DENND4A: variants seen among roughly 807,000 people sequenced by gnomAD.
DENND4A encodes the protein C-myc promoter-binding protein.
A neutral mutation model predicts 199.3 loss-of-function variants in DENND4A; 70 were observed. The observed-to-expected ratio is 0.35, with a 90% CI of 0.29 to 0.43. The LOEUF is 0.43. DENND4A is among the 20% of genes least tolerant of loss of function. The probability of loss-of-function intolerance (pLI) is 1.00; values close to 1 mark genes in which losing one functional copy is unlikely to be tolerated. For synonymous variants in DENND4A, 686 were observed against 766.9 expected (o/e 0.89, Z 1.74); for missense variants, 1,723 against 2,255.8 (o/e 0.76, Z 4.78).
chr15:65,740,291 A>G (rs2076223109), intron 5 of DENND4A, among the ~76,000 whole-genome samples: 1 of 151,666 alleles, frequency 6.6e-6, no homozygotes, highest in Non-Finnish European at 1.5e-5. Flanking sequence ...AAAAAAAAAA[A>G]AAGAAAGAAA....
chr15:65,683,630 T>C (rs1407134040), intron 23 of DENND4A, among the ~76,000 whole-genome samples: 1 of 152,244 alleles, frequency 6.6e-6, no homozygotes, highest in Non-Finnish European at 1.5e-5. Flanking sequence ...TTCAAATTAT[T>C]TGAAAGTGTG....
intron 14 of DENND4A, among the ~76,000 whole-genome samples, chr15:65,706,530 C>T (rs898489665): frequency 1.3e-5 from 2 of 151,368 alleles, no homozygotes; most frequent in Admixed American, 6.6e-5. Flanking sequence ...GACAGTCTTG[C>T]TCTATCGCCA....
chr15:65,690,742 A>C lies in DENND4A; in HGVS notation c.3852T>G (p.Ser1284Arg), dbSNP rs760625997. ...RACDDKLNKKSPPLVKACRRS... is the reference protein window; with the variant it reads ...RACDDKLNKKRPPLVKACRRS... Reference sequence around the variant, plus strand: ...TTCTGCATGCCTTGACCAATGGTGGACTTTTCTTATTTAATTTATCATCAC... The same window carrying C: ...TTCTGCATGCCTTGACCAATGGTGGCCTTTTCTTATTTAATTTATCATCAC... The change falls in exon 23 of 33, where the codon AGT (serine) becomes AGG (arginine). Residue 1284 changes from serine (S) to arginine (R), a missense_variant. Ser to Arg is a moderately radical substitution (Grantham distance 110, BLOSUM62 -1). Around this residue, in one of 6 missense-constraint regions of DENND4A, gnomAD observed 650 missense variants for 738.1 expected, o/e 0.88. Transcript: ENST00000443035. 1 of 1,613,514 alleles carries C rather than the reference A, an allele frequency of 6.2e-7. No homozygotes were observed. Among genetic ancestry groups the C allele is most frequent in the South Asian group, 1.1e-5 (1 of 91,076 alleles).
intron 1 of DENND4A, among the ~76,000 whole-genome samples, chr15:65,766,080 C>T (rs907633210): frequency 2.6e-5 from 4 of 152,074 alleles, no homozygotes; most frequent in Middle Eastern, 3.2e-3. Context: ...GAAACCCTGT[C>T]TCTACTAAAA....
chr15:65,659,459 C>T lies in DENND4A; in HGVS notation c.*2392G>A, dbSNP rs2414883. The T allele has an allele frequency of 1.3e-5, 2 of 150,244 alleles. No homozygotes were observed. The highest frequency in any genetic ancestry group is 2.1e-4 in the South Asian group (1 of 4,758). 9.3% of individuals were successfully genotyped at this position (150,244 alleles called of 1,614,324 possible). ...AAGTGATCCTCCTGCTTCAGCCTCC[C>T]GAGTAGCTGGGATTACCAAGCATGA... is the stretch of plus-strand genomic sequence containing the variant. On this transcript the variant is annotated 3_prime_UTR_variant, in exon 33 of 33. Coordinates refer to ENST00000443035, the MANE Select transcript of DENND4A (RefSeq NM_001320835.1).
In DENND4A at chr15:65,717,920, C is replaced by T; in HGVS notation, c.1665G>A (p.Leu555=). The part of the protein sequence containing the change: ...NDYDFNSGKR[L]HMIDLEIQEA... ...CTTGGATTTCCAAATCTATCATGTG[C>T]AACCTCTTTCCAGAATTAAAATCAT... Residue 555 remains leucine (L), a synonymous_variant, in exon 13 of 33, where the codon TTG becomes TTA. Transcript: ENST00000443035. 6.2e-7 allele frequency: 1 copy of T among 1,609,512 alleles called. No individual in the cohort carries two copies. The highest frequency in any genetic ancestry group is 8.5e-7 in the Non-Finnish European group (1 of 1,177,648).
intron 23 of DENND4A, among the ~76,000 whole-genome samples, chr15:65,681,506 C>T (rs553885298): frequency 6.6e-6 from 1 of 152,030 alleles, no homozygotes; most frequent in East Asian, 1.9e-4. Flanking sequence ...TGAATACTAG[C>T]ATGAAAACAA....
intron 5 of DENND4A, among the ~76,000 whole-genome samples, chr15:65,740,494 C>G (rs1317078094): frequency 6.7e-6 from 1 of 149,992 alleles, no homozygotes; most frequent in Non-Finnish European, 1.5e-5. Context: ...CACATGCCAC[C>G]ATGTACTCTC....
chr15:65,758,500 T>TA (rs1171184443), intron 2 of DENND4A, among the ~76,000 whole-genome samples: 7 of 151,818 alleles, frequency 4.6e-5, no homozygotes, highest in Non-Finnish European at 4.4e-5. Context: ...GTTGTAGAGA[T>TA]AGAGTCTCAT....
At chr15:65,707,322 A>G (rs1321588700) in intron 14 of DENND4A, among the ~76,000 whole-genome samples, 1 of 152,206 alleles carries the variant, frequency 6.6e-6, no homozygotes, top group Non-Finnish European at 1.5e-5. Context: ...ACAGAACTTT[A>G]TTAGGTTAGA....
chr15:65,790,631 G>A (rs914388885), intron 1 of DENND4A, among the ~76,000 whole-genome samples: 3 of 152,062 alleles, frequency 2.0e-5, no homozygotes. Context: ...AAGGGAAATC[G>A]TGAAAATAAA....
chr15:65,707,898 C>G (rs1347930530), intron 14 of DENND4A, among the ~76,000 whole-genome samples: 1 of 151,964 alleles, frequency 6.6e-6, no homozygotes, highest in Non-Finnish European at 1.5e-5. Context: ...GTTGGCCAGG[C>G]TGGTCAGGAG....
At chr15:65,709,719 A>AAAAAATATATATATATAT (rs1218030026) in intron 14 of DENND4A, among the ~76,000 whole-genome samples, 26 of 51,450 alleles carry the variant, frequency 5.1e-4, no homozygotes, top group African/African-American at 1.1e-3. Flanking sequence ...AAAAAAAAAA[A>AAAAAATATATATATATAT]ATATATATAT....
At chr15:65,733,115 G>C (rs2076010003) in intron 7 of DENND4A, among the ~76,000 whole-genome samples, 1 of 152,086 alleles carries the variant, frequency 6.6e-6, no homozygotes, top group Admixed American at 6.5e-5. Flanking sequence ...CAGTGATGTG[G>C]AAATTACCCA....
At chr15:65,679,155 C>T (rs1169241919) in intron 23 of DENND4A, among the ~76,000 whole-genome samples, 5 of 152,188 alleles carry the variant, frequency 3.3e-5, no homozygotes, top group African/African-American at 1.2e-4. Context: ...AGTGCAGTGG[C>T]CCCATCTCAG....
At chr15:65,732,344 T>A (rs2075983551) in intron 8 of DENND4A, among the ~76,000 whole-genome samples, 1 of 152,080 alleles carries the variant, frequency 6.6e-6, no homozygotes, top group African/African-American at 2.4e-5. Flanking sequence ...AAAATATTAT[T>A]TTTCTAGATA....
chr15:65,694,279 T>C (rs1450620395), intron 22 of DENND4A, among the ~76,000 whole-genome samples: 3 of 152,080 alleles, frequency 2.0e-5, no homozygotes, highest in Admixed American at 6.6e-5. Flanking sequence ...TGAAACTCCG[T>C]CTCTACTAAA....
At chr15:65,747,630 C>T (rs2076436277) in intron 4 of DENND4A, among the ~76,000 whole-genome samples, 1 of 152,160 alleles carries the variant, frequency 6.6e-6, no homozygotes, top group African/African-American at 2.4e-5. Context: ...AATTCAGGGT[C>T]CCAAAATTTG....
At chr15:65,778,372 C>T (rs1030102818) in intron 1 of DENND4A, among the ~76,000 whole-genome samples, 5 of 147,152 alleles carry the variant, frequency 3.4e-5, no homozygotes, top group African/African-American at 7.6e-5. Context: ...GTTTCCCCCA[C>T]CCATCTACAC....
Sources: gnomAD v4.1 joint callset for allele counts (sites outside exome capture counted in the v4.1 genomes callset) on GRCh38, gnomAD v4.1.1 for gene constraint, gnomAD v4.1.1 regional missense constraint, MANE v1.5 for transcripts, NCBI Gene and HGNC (gene_info 2026-07-23, HGNC 2026-07-21) for gene names.